DLGAP2: variants seen among roughly 807,000 people sequenced by gnomAD.
DLGAP2 encodes the protein disks large-associated protein 2.
DLGAP2 carries 26 observed loss-of-function variants against 100.3 expected under a neutral mutation model. The ratio of observed to expected loss-of-function variants is 0.26; its 90% CI spans 0.19 to 0.36. The LOEUF (loss-of-function observed/expected upper bound fraction) is 0.36. DLGAP2 is among the 10% of genes least tolerant of loss of function. DLGAP2 has a pLI of 1.00. For synonymous variants in DLGAP2, 886 were observed against 630.1 expected (o/e 1.41, Z -6.08); for missense variants, 1,858 against 1,453.2 (o/e 1.28, Z -4.53).
At chr8:1,193,497 A>G (rs1797682628) in intron 2 of DLGAP2, among the ~76,000 whole-genome samples, 1 of 152,122 alleles carries the variant, frequency 6.6e-6, no homozygotes, top group Non-Finnish European at 1.5e-5. Flanking sequence ...GGTTTCTGTC[A>G]CTTAGCACCA....
At chr8:1,424,831 T>C (rs569353807) in intron 3 of DLGAP2, among the ~76,000 whole-genome samples, 1 of 151,838 alleles carries the variant, frequency 6.6e-6, no homozygotes, top group South Asian at 2.1e-4. Flanking sequence ...CCTGGAGGAG[T>C]TGGATACACA....
intron 4 of DLGAP2, 133 bp downstream of exon 4, chr8:1,501,564 G>C (rs1799724658): frequency 1.1e-6 from 1 of 877,588 alleles, no homozygotes; most frequent in Non-Finnish European, 1.7e-6. Context: ...GAAGAACTAA[G>C]TACAATGCGG....
chr8:1,149,136 T>C (rs1049536144), intron 2 of DLGAP2, among the ~76,000 whole-genome samples: 4 of 138,740 alleles, frequency 2.9e-5, no homozygotes, highest in African/African-American at 1.0e-4. Flanking sequence ...TTTATCATTG[T>C]GGAATTACCC....
rs186071234 is a variant in DLGAP2 at position 854,397 on chromosome 8, C to T, written c.19-53515C>T. ...TCTTGGTCCATTTGTGTGGCTATAA[C>T]ACAATACCTGAGACCCTCACAGGCT... On this transcript the variant is annotated intron_variant, in intron 1 of 14. Coordinates refer to ENST00000637795, the MANE Select transcript of DLGAP2 (RefSeq NM_001346810.2). Among the ~76,000 whole-genome samples the T allele has an allele frequency of 5.2e-4, 79 of 152,202 alleles. 1 individual carries two copies. Among genetic ancestry groups the T allele is most frequent in the Middle Eastern group, 3.4e-3 (1 of 294 alleles).
intron 6 of DLGAP2, among the ~76,000 whole-genome samples, chr8:1,589,830 G>T (rs1258838258): frequency 1.3e-5 from 2 of 152,204 alleles, no homozygotes; most frequent in Non-Finnish European, 2.9e-5. Flanking sequence ...ATGCGCATTT[G>T]AGTATTGCTA....
At chr8:784,206 C>G (rs992432118) in intron 1 of DLGAP2, among the ~76,000 whole-genome samples, 3 of 152,098 alleles carry the variant, frequency 2.0e-5, no homozygotes, top group African/African-American at 7.2e-5. Context: ...ATTTAGTGTT[C>G]ATCAAAATTT....
chr8:933,527 C>T (rs1170207855), intron 2 of DLGAP2, among the ~76,000 whole-genome samples: 2 of 113,972 alleles, frequency 1.8e-5, no homozygotes, highest in Non-Finnish European at 1.7e-5. Context: ...TGTGGAGACA[C>T]CTGGCCGTGG....
At chr8:1,024,070 C>G (rs530864795) in intron 2 of DLGAP2, among the ~76,000 whole-genome samples, 1 of 152,014 alleles carries the variant, frequency 6.6e-6, no homozygotes, top group Non-Finnish European at 1.5e-5. Flanking sequence ...TTTCAGACCT[C>G]TTCCTGCAGG....
intron 2 of DLGAP2, among the ~76,000 whole-genome samples, chr8:1,204,770 AAAATCTG>A: frequency 6.6e-6 from 1 of 152,284 alleles, no homozygotes; most frequent in South Asian, 2.1e-4. Context: ...GAGGGAAGAA[AAAATCTG>A]AATAAGAGGT....
intron 12 of DLGAP2, among the ~76,000 whole-genome samples, chr8:1,690,605 GAGGCC>G (rs2130875521): frequency 6.8e-6 from 1 of 147,568 alleles, no homozygotes; most frequent in Non-Finnish European, 1.5e-5. Flanking sequence ...TTGGGAGGCT[GAGGCC>G]AGAAAATTGC....
At chr8:1,181,264 G>A (rs552111207) in intron 2 of DLGAP2, among the ~76,000 whole-genome samples, 16 of 152,232 alleles carry the variant, frequency 1.1e-4, no homozygotes, top group Admixed American at 1.0e-3. Flanking sequence ...GAGTGTGGGT[G>A]GCACACATCG....
chr8:1,617,534 A>C (rs1018221947), intron 6 of DLGAP2, among the ~76,000 whole-genome samples: 1 of 152,318 alleles, frequency 6.6e-6, no homozygotes, highest in Admixed American at 6.5e-5. Flanking sequence ...TCGTTTGAAA[A>C]GTGTCTGTTC....
chr8:1,276,801 G>A (rs1799707161), intron 3 of DLGAP2, among the ~76,000 whole-genome samples: 1 of 151,964 alleles, frequency 6.6e-6, no homozygotes, highest in Non-Finnish European at 1.5e-5. Context: ...ATTTTATACT[G>A]GCAAAAAGAA....
At chr8:1,361,875 A>G (rs1315392901) in intron 3 of DLGAP2, among the ~76,000 whole-genome samples, 1 of 152,040 alleles carries the variant, frequency 6.6e-6, no homozygotes, top group African/African-American at 2.4e-5. Flanking sequence ...CCACGGTTTC[A>G]TTTCCGCTGG....
chr8:862,882 A>C (rs529896878), intron 1 of DLGAP2, among the ~76,000 whole-genome samples: 79 of 152,298 alleles, frequency 5.2e-4, no homozygotes, highest in African/African-American at 1.9e-3. Flanking sequence ...TTTACTTATT[A>C]ACATACATAA....
chr8:831,846 T>C (rs1796790301), intron 1 of DLGAP2, among the ~76,000 whole-genome samples: 1 of 152,102 alleles, frequency 6.6e-6, no homozygotes, highest in Non-Finnish European at 1.5e-5. Flanking sequence ...GTAAAAGTGT[T>C]CCTATTTCTC....
intron 2 of DLGAP2, among the ~76,000 whole-genome samples, chr8:1,171,076 G>T (rs1358011998): frequency 6.6e-6 from 1 of 151,994 alleles, no homozygotes; most frequent in African/African-American, 2.4e-5. Context: ...ATTCTGGTAT[G>T]TTGTGTCTTT....
chr8:1,633,504 A>T (rs1797700483), intron 8 of DLGAP2, among the ~76,000 whole-genome samples: 1 of 152,158 alleles, frequency 6.6e-6, no homozygotes, highest in Non-Finnish European at 1.5e-5. Flanking sequence ...GTCCATCATT[A>T]ATGCAGATGC....
intron 2 of DLGAP2, among the ~76,000 whole-genome samples, chr8:1,005,351 C>T (rs1421990898): frequency 6.6e-6 from 1 of 151,922 alleles, no homozygotes; most frequent in African/African-American, 2.4e-5. Flanking sequence ...AGCAAGGCAG[C>T]CCGTCAAATA....
Sources: gnomAD v4.1 joint callset for allele counts (sites outside exome capture counted in the v4.1 genomes callset) on GRCh38, gnomAD v4.1.1 for gene constraint, MANE v1.5 for transcripts, NCBI Gene and HGNC (gene_info 2026-07-23, HGNC 2026-07-21) for gene names.